The following CENPE variants were observed in gnomAD, a reference collection of about 807,000 sequenced individuals.
CENPE encodes the protein centromere protein E, also known as centromere-associated protein E.
Under a neutral mutation model 336.1 loss-of-function variants are expected in CENPE, and 145 were observed. The ratio of observed to expected loss-of-function variants is 0.43; its 90% CI spans 0.38 to 0.50. CENPE has a LOEUF of 0.50. CENPE is among the 20% of genes least tolerant of loss of function. The pLI, the probability that CENPE is intolerant of heterozygous loss-of-function variation, is 0.00. For missense variants in CENPE, 2,719 were observed against 3,023.3 expected (o/e 0.90, Z 2.36); for synonymous variants, 1,013 against 984.8 (o/e 1.03, Z -0.54).
chr4:103,114,616 G>C (rs751827252), intron 45 of CENPE, 64 bp from the exon 46 acceptor site: 2 of 975,224 alleles, frequency 2.1e-6, no homozygotes, highest in Non-Finnish European at 1.6e-6. Context: ...AGAATAAACA[G>C]AACTGCTGTG....
chr4:103,135,754 A>G (rs1005489749), intron 40 of CENPE, among the ~76,000 whole-genome samples: 2 of 146,086 alleles, frequency 1.4e-5, no homozygotes, highest in African/African-American at 5.0e-5. Flanking sequence ...TTCCCCATCT[A>G]CAAAAAGAAC....
chr4:103,114,353 G>C, intron 46 of CENPE, 102 bp downstream of exon 46: 1 of 653,048 alleles, frequency 1.5e-6, no homozygotes. Flanking sequence ...GCCAACTTCT[G>C]TTTACTCTCG....
At chr4:103,176,182 GA>G in intron 14 of CENPE, 134 bp from the exon 15 acceptor site, 1 of 517,064 alleles carries the variant, frequency 1.9e-6, no homozygotes, top group Non-Finnish European at 3.4e-6. Context: ...CTCAGAGTAT[GA>G]ATACCAAAAG....
intron 11 of CENPE, 200 bp from the exon 12 acceptor site, chr4:103,181,656 A>G: frequency 2.7e-6 from 1 of 370,268 alleles, no homozygotes; most frequent in Non-Finnish European, 4.8e-6. Flanking sequence ...TCTTCGGGAG[A>G]ATAAAAAAGA....
chr4:103,186,715 G>T (rs186973944), intron 8 of CENPE, among the ~76,000 whole-genome samples: 1 of 152,170 alleles, frequency 6.6e-6, no homozygotes, highest in Admixed American at 6.6e-5. Flanking sequence ...TAAGAAACAT[G>T]TTGTGATAAG....
At chr4:103,173,878 A>T (rs761153010) in intron 16 of CENPE, among the ~76,000 whole-genome samples, 30 of 151,914 alleles carry the variant, frequency 2.0e-4, no homozygotes, top group Non-Finnish European at 1.0e-4. Flanking sequence ...ACTTGTTGGC[A>T]AGGATGTGGA....
chr4:103,128,751 A>G (rs1297448402), intron 42 of CENPE, among the ~76,000 whole-genome samples: 1 of 152,214 alleles, frequency 6.6e-6, no homozygotes, highest in African/African-American at 2.4e-5. Flanking sequence ...AATTTATAGC[A>G]TTGAATACCA....
intron 42 of CENPE, among the ~76,000 whole-genome samples, chr4:103,129,262 C>G (rs1751382691): frequency 6.6e-6 from 1 of 152,108 alleles, no homozygotes; most frequent in South Asian, 2.1e-4. Flanking sequence ...CAGATGAGTT[C>G]AATGGTGAAC....
intron 15 of CENPE, among the ~76,000 whole-genome samples, chr4:103,175,310 T>C (rs1376385842): frequency 2.6e-5 from 4 of 151,954 alleles, no homozygotes; most frequent in Non-Finnish European, 1.5e-5. Context: ...TTCTATTTTC[T>C]ATATTATTAT....
intron 48 of CENPE, among the ~76,000 whole-genome samples, chr4:103,107,119 T>G (rs899374636): frequency 6.6e-6 from 1 of 152,224 alleles, no homozygotes; most frequent in African/African-American, 2.4e-5. Flanking sequence ...GTAGCTAGCA[T>G]GCACCTGTAG....
intron 24 of CENPE, among the ~76,000 whole-genome samples, chr4:103,156,757 T>C (rs1753989030): frequency 6.6e-6 from 1 of 152,008 alleles, no homozygotes; most frequent in Non-Finnish European, 1.5e-5. Context: ...AAAACTTCTG[T>C]GTATCAAAGG....
chr4:103,156,295 G>T (rs575365760), intron 24 of CENPE, among the ~76,000 whole-genome samples: 15 of 152,256 alleles, frequency 9.9e-5, no homozygotes, highest in African/African-American at 3.6e-4. Context: ...TGAAAAAGAA[G>T]AACGAAGTTG....
At position 103,108,832 on chromosome 4, in the gene CENPE, A is replaced by C. The variant is rs2125826989; in HGVS notation, c.7982T>G (p.Phe2661Cys). ...SLPSPHPVRY[F>C]DNSSLGLCPE... ...ACAAAGGCCTAAACTTGAGTTATCA[A>C]AATAGCGAACTGGATGAGGTGATGG... is the stretch of plus-strand genomic sequence containing the variant. The change falls in exon 48 of 49, where the codon TTT becomes TGT. Residue 2661 changes from phenylalanine (F) to cysteine (C), a missense_variant. Physicochemically the swap from Phe to Cys is radical, Grantham distance 205 (BLOSUM62 -2). Transcript: ENST00000265148. 6.2e-7 allele frequency: 1 copy of C among 1,613,776 alleles called. No homozygotes were observed. The highest frequency in any genetic ancestry group is 1.7e-5 in the Admixed American group (1 of 59,990).
At chr4:103,144,986 C>G in intron 32 of CENPE, 64 bp downstream of exon 32, 1 of 1,351,854 alleles carries the variant, frequency 7.4e-7, no homozygotes, top group Non-Finnish European at 9.9e-7. Context: ...AACATGAACA[C>G]CGTCATTATC....
At chr4:103,147,883 G>A (rs946382591) in intron 28 of CENPE, among the ~76,000 whole-genome samples, 11 of 151,880 alleles carry the variant, frequency 7.2e-5, no homozygotes, top group Admixed American at 1.3e-4. Context: ...TAGTAGAGAC[G>A]GGGTTTCACC....
At chr4:103,134,635 C>CAAA (rs36085712) in intron 40 of CENPE, among the ~76,000 whole-genome samples, 22 of 64,714 alleles carry the variant, frequency 3.4e-4, no homozygotes, top group East Asian at 1.0e-3. Flanking sequence ...GACTCCGTCT[C>CAAA]AAAAAAAAAA....
At chr4:103,167,385 A>G (rs1755012729) in intron 16 of CENPE, among the ~76,000 whole-genome samples, 1 of 152,174 alleles carries the variant, frequency 6.6e-6, no homozygotes, top group African/African-American at 2.4e-5. Flanking sequence ...TTTCTCTTGC[A>G]TAAGCACCAG....
intron 25 of CENPE, 106 bp from the exon 26 acceptor site, chr4:103,151,483 A>G (rs1404347236): frequency 1.2e-6 from 1 of 825,830 alleles, no homozygotes; most frequent in East Asian, 3.0e-5. Context: ...GAAATCAGGG[A>G]AAACTATATA....
chr4:103,186,049 A>G (rs1482746249), intron 8 of CENPE, among the ~76,000 whole-genome samples, 188 bp from the exon 9 acceptor site: 1 of 151,928 alleles, frequency 6.6e-6, no homozygotes, highest in African/African-American at 2.4e-5. Flanking sequence ...TCCTTTCTTT[A>G]TATCTTCCAT....
Sources: gnomAD v4.1 joint callset for allele counts (sites outside exome capture counted in the v4.1 genomes callset) on GRCh38, gnomAD v4.1.1 for gene constraint, MANE v1.5 for transcripts, NCBI Gene and HGNC (gene_info 2026-07-23, HGNC 2026-07-21) for gene names.